KLC4: variants seen among roughly 807,000 people sequenced by gnomAD.
The protein encoded by KLC4 is kinesin light chain 4, also known as kinesin-like protein 8.
Under a neutral mutation model 77.2 loss-of-function variants are expected in KLC4, and 49 were observed. The ratio of observed to expected loss-of-function variants is 0.63; its 90% CI spans 0.50 to 0.80. The LOEUF is 0.80. KLC4 is among the 30% of genes least tolerant of loss of function. The pLI is 0.00. For missense variants in KLC4, 669 were observed against 793.5 expected (o/e 0.84, Z 1.89); for synonymous variants, 274 against 314.5 (o/e 0.87, Z 1.36).
rs374815109 is a variant in KLC4, at chr6:43,071,637, G to A, written c.1308+18G>A. The A allele has an allele frequency of 2.9e-5, 47 of 1,612,042 alleles. No homozygotes were observed. Among genetic ancestry groups the A allele is most frequent in the Non-Finnish European group, 4.0e-5 (47 of 1,178,826 alleles). ...TGAGCAAAGTGAGTGGGGGGAAGGGGGGCCAGCCTGGGGAGCTCAAGGCTA... is the reference window on the plus strand; with the variant it reads ...TGAGCAAAGTGAGTGGGGGGAAGGGAGGCCAGCCTGGGGAGCTCAAGGCTA... On this transcript the variant is annotated intron_variant, in intron 10 of 15. Coordinates refer to ENST00000347162, the MANE Select transcript of KLC4 (RefSeq NM_201521.3).
chr6:43,073,591 G>A (rs1765834586), intron 14 of KLC4: 2 of 530,450 alleles, frequency 3.8e-6, no homozygotes, highest in African/African-American at 1.9e-5. Flanking sequence ...AGGTTGCAGG[G>A]AGCCAAGATC....
At chr6:43,065,901 C>T (rs1228811009) in intron 4 of KLC4, among the ~76,000 whole-genome samples, 200 bp downstream of exon 4, 4 of 152,180 alleles carry the variant, frequency 2.6e-5, no homozygotes, top group African/African-American at 9.7e-5. Flanking sequence ...TGAATATGTG[C>T]CAGGTACTGT....
intron 6 of KLC4, 149 bp from the exon 7 acceptor site, chr6:43,070,205 C>T: frequency 1.8e-6 from 1 of 552,048 alleles, no homozygotes; most frequent in South Asian, 2.6e-5. Flanking sequence ...GCAATTTCCC[C>T]TCCCTTCAGC....
At chr6:43,060,013 G>A in intron 1 of KLC4, 1 of 1,425,524 alleles carries the variant, frequency 7.0e-7, no homozygotes, top group Non-Finnish European at 9.2e-7. Context: ...TGGGCACCAG[G>A]GCAGGTCGAC....
chr6:43,071,109 C>T (rs1022864002), intron 8 of KLC4, among the ~76,000 whole-genome samples, 166 bp from the exon 9 acceptor site: 1 of 150,272 alleles, frequency 6.7e-6, no homozygotes, highest in Non-Finnish European at 1.5e-5. Context: ...CTTGACCCTA[C>T]ACCTGGAGAA....
chr6:43,070,637 C>A, intron 7 of KLC4, 55 bp from the exon 8 acceptor site: 1 of 1,560,206 alleles, frequency 6.4e-7, no homozygotes, highest in South Asian at 1.2e-5. Flanking sequence ...CACACGTGTG[C>A]TTGTGCACAC....
rs1765913007 is a variant in KLC4 at position 43,074,856 on chromosome 6, C to T, written c.*184C>T. ...TCAGGAATCCCTCTTAGGAAGGACCCTCAGGACACCCTCTCTGCACCCTGT... is the reference window on the plus strand; with the variant it reads ...TCAGGAATCCCTCTTAGGAAGGACCTTCAGGACACCCTCTCTGCACCCTGT... On this transcript the variant is annotated 3_prime_UTR_variant, in exon 16 of 16. Coordinates refer to ENST00000347162, the MANE Select transcript of KLC4 (RefSeq NM_201521.3). The T allele has an allele frequency of 1.6e-6, 1 of 617,222 alleles. No homozygotes were observed. Among genetic ancestry groups the T allele is most frequent in the Non-Finnish European group, 2.9e-6 (1 of 341,852 alleles). 38.2% of individuals were successfully genotyped at this position (617,222 alleles called of 1,614,324 possible).
In KLC4 at chr6:43,061,366, G is replaced by GAGCCTGCAGGCCACCGGCTC; in HGVS notation, c.36_55dup (p.Gln19LeufsTer22). 1 of 1,613,806 alleles carries GAGCCTGCAGGCCACCGGCTC rather than the reference G, an allele frequency of 6.2e-7. No homozygotes were observed. Among genetic ancestry groups the GAGCCTGCAGGCCACCGGCTC allele is most frequent in the Non-Finnish European group, 8.5e-7 (1 of 1,180,036 alleles). ...AGGCCTGGTGTTGGGGCAGCGGGAT[G>GAGCCTGCAGGCCACCGGCTC]AGCCTGCAGGCCACCGGCTCAGCCA... On this transcript the variant is annotated frameshift_variant, in exon 2 of 16. Coordinates refer to ENST00000347162, the MANE Select transcript of KLC4 (RefSeq NM_201521.3). LOFTEE classifies it high-confidence loss of function.
intron 6 of KLC4, chr6:43,067,322 T>A: frequency 1.2e-6 from 1 of 852,496 alleles, no homozygotes. Flanking sequence ...AATAGATAAG[T>A]CATAGGTAAA....
chr6:43,065,359 C>A, intron 3 of KLC4: 1 of 379,928 alleles, frequency 2.6e-6, no homozygotes, highest in Non-Finnish European at 4.9e-6. Flanking sequence ...CAGGCGTTAG[C>A]CACCACACCC....
chr6:43,060,433 G>A, intron 1 of KLC4: 1 of 1,453,410 alleles, frequency 6.9e-7, no homozygotes, highest in African/African-American at 1.4e-5. Context: ...GTTTGTCCTG[G>A]GTGGGGCTCT....
chr6:43,061,497 G>A lies in KLC4; in HGVS notation c.162G>A (p.Leu54=). 6.2e-7 allele frequency: 1 copy of A among 1,614,152 alleles called. No individual in the cohort carries two copies. Among genetic ancestry groups the A allele is most frequent in the South Asian group, 1.1e-5 (1 of 91,084 alleles). ...GCCTGTCCCAGACCATTGAGTGTCT[G>A]CAGCAGGGAGGCCATGAGGAAGGGC... is the stretch of plus-strand genomic sequence containing the variant. The part of the protein sequence containing the change: ...LQSLSQTIEC[L]QQGGHEEGLV... The change falls in exon 2 of 16, where the codon CTG becomes CTA. Residue 54 remains leucine (L), a synonymous_variant. Transcript: ENST00000347162.
At chr6:43,064,340 A>G (rs770778996) in intron 3 of KLC4, among the ~76,000 whole-genome samples, 18 of 152,208 alleles carry the variant, frequency 1.2e-4, no homozygotes, top group Admixed American at 3.3e-4. Flanking sequence ...CCTGGGCAAC[A>G]TAGTGAGACC....
rs1765088012 is a variant in KLC4 at position 43,060,440 on chromosome 6, C to T, written c.-26+755C>T. 5 of 1,441,136 alleles carry T rather than the reference C, an allele frequency of 3.5e-6. No individual in the cohort carries two copies. The South Asian group carries it at 4.0e-5, about 12-fold the overall frequency. 89.3% of individuals were successfully genotyped at this position (1,441,136 alleles called of 1,614,324 possible). On this transcript the variant is annotated intron_variant, in intron 1 of 15. Transcript: ENST00000347162. ...GGGAGGGTGTTTGTCCTGGGTGGGGCTCTGGGCCAGGTCCTCTGGGTAGCT... is the reference window on the plus strand; with the variant it reads ...GGGAGGGTGTTTGTCCTGGGTGGGGTTCTGGGCCAGGTCCTCTGGGTAGCT...
Position 43,072,186 on chromosome 6 carries a change from G to A in KLC4, c.1419G>A (p.Leu473=). Residue 473 remains leucine, a synonymous_variant, in exon 12 of 16, where the codon CTG becomes CTA. Transcript: ENST00000347162. The part of the protein sequence containing the change: ...VNTTLRNLGA[L]YRRQGKLEAA... ...CTACTCTGAGAAACCTGGGAGCTCT[G>A]TATAGGCGCCAGGGAAAGCTGGAGG... 6.2e-7 allele frequency: 1 copy of A among 1,614,168 alleles called. No individual in the cohort carries two copies. The highest frequency in any genetic ancestry group is 1.3e-5 in the African/African-American group (1 of 75,038).
chr6:43,059,919 C>T (rs1765052531), intron 1 of KLC4: 1 of 1,274,128 alleles, frequency 7.8e-7, no homozygotes, highest in Non-Finnish European at 9.9e-7. Context: ...CGTTAGGCCT[C>T]CACGTCCTCG....
intron 10 of KLC4, 72 bp downstream of exon 10, chr6:43,071,691 A>C: frequency 2.6e-6 from 4 of 1,519,208 alleles, no homozygotes; most frequent in Non-Finnish European, 3.6e-6. Flanking sequence ...TCCTTGCATT[A>C]GCCCAACTCT....
chr6:43,071,487 C>G lies in KLC4; in HGVS notation c.1256-80C>G, dbSNP rs1172906632. ...GGGGAGCCAGACCCCTTCAGTCCAG[C>G]CTGTCAGCCTCTGGGTCCTGGCTCT... On this transcript the variant is annotated intron_variant, in intron 9 of 15. Coordinates refer to ENST00000347162, the MANE Select transcript of KLC4 (RefSeq NM_201521.3). 3.9e-6 allele frequency: 6 copies of G among 1,555,720 alleles called. No individual in the cohort carries two copies. In the East Asian group the frequency reaches 9.0e-5, roughly 23 times the overall value.
At chr6:43,060,404 A>AGAGG (rs1418078063) in intron 1 of KLC4, 37 of 1,199,714 alleles carry the variant, frequency 3.1e-5, no homozygotes, top group Non-Finnish European at 2.0e-5. Flanking sequence ...ACCTGTGGGC[A>AGAGG]GAGGGAGGGA....
Sources: gnomAD v4.1 joint callset for allele counts (sites outside exome capture counted in the v4.1 genomes callset) on GRCh38, gnomAD v4.1.1 for gene constraint, MANE v1.5 for transcripts, NCBI Gene and HGNC (gene_info 2026-07-23, HGNC 2026-07-21) for gene names.